The following KCNIP1 variants were observed in gnomAD, a reference collection of about 807,000 sequenced individuals.
The protein encoded by KCNIP1 is potassium voltage-gated channel interacting protein 1.
A neutral mutation model predicts 33.0 loss-of-function variants in KCNIP1; 18 were observed. The observed-to-expected ratio is 0.55, with a 90% CI of 0.38 to 0.81. The LOEUF (loss-of-function observed/expected upper bound fraction) is 0.81. KCNIP1 is among the 30% of genes least tolerant of loss of function. The probability of loss-of-function intolerance (pLI) is 0.00; values close to 1 mark genes in which losing one functional copy is unlikely to be tolerated. For synonymous variants in KCNIP1, 93 were observed against 98.3 expected (o/e 0.95, Z 0.32); for missense variants, 238 against 271.6 (o/e 0.88, Z 0.87).
At chr5:170,465,867 T>G (rs1348736414) in intron 1 of KCNIP1, among the ~76,000 whole-genome samples, 1 of 152,076 alleles carries the variant, frequency 6.6e-6, no homozygotes, top group Non-Finnish European at 1.5e-5. Flanking sequence ...TTCCTGCAAC[T>G]GAAAGAAGAC....
intron 1 of KCNIP1, among the ~76,000 whole-genome samples, chr5:170,633,331 G>A (rs1256968280): frequency 6.6e-6 from 1 of 152,088 alleles, no homozygotes; most frequent in Non-Finnish European, 1.5e-5. Flanking sequence ...TGAGGAAAAT[G>A]AGCAGGGCAG....
intron 1 of KCNIP1, among the ~76,000 whole-genome samples, chr5:170,658,647 C>A (rs1761361261): frequency 6.6e-6 from 1 of 152,060 alleles, no homozygotes; most frequent in Non-Finnish European, 1.5e-5. Flanking sequence ...TGGTGGGCAG[C>A]TGAGGAAGGG....
At position 170,664,376 on chromosome 5, in the gene KCNIP1, C is replaced by A. The variant is rs80050420; in HGVS notation, c.62-54382C>A. On this transcript the variant is annotated intron_variant, in intron 1 of 7. Transcript: ENST00000328939. ...AATTCTCACTGAGCCTCCTCCCTAG[C>A]ATTTCCCTCTCTGCATTATAATTCC... Among the ~76,000 whole-genome samples the A allele has an allele frequency of 3.9e-3, 589 of 152,292 alleles. 5 individuals carry two copies. The highest frequency in any genetic ancestry group is 0.013 in the African/African-American group (547 of 41,570).
At chr5:170,601,723 T>C (rs1758695194) in intron 1 of KCNIP1, among the ~76,000 whole-genome samples, 1 of 152,248 alleles carries the variant, frequency 6.6e-6, no homozygotes, top group Non-Finnish European at 1.5e-5. Flanking sequence ...ATCCCATTCC[T>C]GTGCTCAGGA....
chr5:170,430,697 A>C (rs577041783), intron 1 of KCNIP1, among the ~76,000 whole-genome samples: 1 of 152,332 alleles, frequency 6.6e-6, no homozygotes, highest in African/African-American at 2.4e-5. Flanking sequence ...ATCAGGAACC[A>C]GTGAAGGACA....
At chr5:170,612,050 G>A (rs4285241) in intron 1 of KCNIP1, among the ~76,000 whole-genome samples, 151,427 of 152,342 alleles carry the variant, frequency 0.99, 75,266 homozygotes, top group Middle Eastern at 1. Context: ...TAATCCACAA[G>A]CACTTAACTG....
In KCNIP1 at chr5:170,731,693, C is replaced by CAA. The variant is rs1162447420; in HGVS notation, c.436-1093_436-1092dup. Among the ~76,000 whole-genome samples the CAA allele has an allele frequency of 4.5e-3, 437 of 96,742 alleles. 3 individuals are homozygous for CAA. Among genetic ancestry groups the CAA allele is most frequent in the African/African-American group, 0.016 (403 of 25,456 alleles). The allele number at this position is 96,742 out of a possible 152,430, so 63.5% of individuals were successfully genotyped here. A position where few individuals can be genotyped will look rare whatever the true frequency, so the allele number is the denominator to read the frequency against. The stretch of plus-strand genomic sequence containing the variant: ...TGGGTGACAGAGCAAGAACCTGTCT[C>CAA]AAAAAAAAAAAAAAAGAAAAAAGAA... On this transcript the variant is annotated intron_variant, in intron 5 of 7. Coordinates refer to ENST00000328939, the MANE Select transcript of KCNIP1 (RefSeq NM_014592.4).
At chr5:170,580,442 G>A (rs769819242) in intron 1 of KCNIP1, among the ~76,000 whole-genome samples, 2 of 152,144 alleles carry the variant, frequency 1.3e-5, no homozygotes, top group Non-Finnish European at 2.9e-5. Flanking sequence ...AACCAGTTGA[G>A]GTTCCAAGAA....
chr5:170,555,817 T>TGGTTATTGA (rs1756824312), intron 1 of KCNIP1, among the ~76,000 whole-genome samples: 1 of 152,168 alleles, frequency 6.6e-6, no homozygotes, highest in African/African-American at 2.4e-5. Flanking sequence ...TCGGGAATGG[T>TGGTTATTGA]GACGTATCTG....
At chr5:170,535,649 C>T (rs1755956857) in intron 1 of KCNIP1, among the ~76,000 whole-genome samples, 2 of 152,174 alleles carry the variant, frequency 1.3e-5, no homozygotes, top group South Asian at 4.1e-4. Context: ...TGCAGAAATT[C>T]TCAAATCCCA....
chr5:170,697,048 TCTCCTC>T (rs1332850384), intron 1 of KCNIP1, among the ~76,000 whole-genome samples: 1 of 150,780 alleles, frequency 6.6e-6, no homozygotes, highest in East Asian at 1.9e-4. Context: ...TCCTCCTCCA[TCTCCTC>T]CTCCTCCTCC....
At chr5:170,473,246 T>C (rs563461117) in intron 1 of KCNIP1, among the ~76,000 whole-genome samples, 1 of 152,360 alleles carries the variant, frequency 6.6e-6, no homozygotes, top group Non-Finnish European at 1.5e-5. Flanking sequence ...GAATTGTTTA[T>C]AATTGACATT....
chr5:170,424,749 A>T (rs1163398662), intron 1 of KCNIP1, among the ~76,000 whole-genome samples: 1 of 152,176 alleles, frequency 6.6e-6, no homozygotes, highest in Non-Finnish European at 1.5e-5. Context: ...AGTAGAAGTC[A>T]GATTATGTCA....
chr5:170,470,318 G>C (rs78749152), intron 1 of KCNIP1, among the ~76,000 whole-genome samples: 8,518 of 152,042 alleles, frequency 0.056, 386 homozygotes, highest in East Asian at 0.26. Context: ...CTCTGCCCCA[G>C]CCCTTAACAC....
chr5:170,676,248 G>A (rs1386904318), intron 1 of KCNIP1, among the ~76,000 whole-genome samples: 3 of 150,608 alleles, frequency 2.0e-5, no homozygotes, highest in Non-Finnish European at 3.0e-5. Flanking sequence ...GAGGGAGGAA[G>A]GGAGATATCA....
intron 1 of KCNIP1, among the ~76,000 whole-genome samples, chr5:170,529,461 T>C (rs1204341905): frequency 6.6e-6 from 1 of 152,194 alleles, no homozygotes; most frequent in Non-Finnish European, 1.5e-5. Flanking sequence ...TGGGGAGGTG[T>C]GGGAAACCAA....
At chr5:170,535,780 T>C (rs544604987) in intron 1 of KCNIP1, among the ~76,000 whole-genome samples, 1 of 152,352 alleles carries the variant, frequency 6.6e-6, no homozygotes, top group South Asian at 2.1e-4. Context: ...AGAAGTTAAA[T>C]CTACTTTTGA....
chr5:170,656,999 T>C (rs1315046182), intron 1 of KCNIP1, among the ~76,000 whole-genome samples: 2 of 143,432 alleles, frequency 1.4e-5, no homozygotes, highest in Non-Finnish European at 3.0e-5. Flanking sequence ...TTTCTTTCTT[T>C]TTTTTTTTTT....
At position 170,390,042 on chromosome 5, in the gene KCNIP1, C is replaced by T. The variant is rs1764654872; in HGVS notation, c.88+36078C>T. Among the ~76,000 whole-genome samples, 8 of 152,308 alleles carry T rather than the reference C, an allele frequency of 5.3e-5. No individual in the cohort carries two copies. In the South Asian group the frequency reaches 1.7e-3, roughly 32 times the overall value. On this transcript the variant is annotated intron_variant, in intron 1 of 7. Coordinates refer to the KCNIP1 transcript ENST00000377360. ...GGGAGTAGTGAGAGCTCCACAACTG[C>T]TTCCAACCAGGTCCAGGGACAGTCT...
Sources: gnomAD v4.1 joint callset for allele counts (sites outside exome capture counted in the v4.1 genomes callset) on GRCh38, gnomAD v4.1.1 for gene constraint, MANE v1.5 for transcripts, NCBI Gene and HGNC (gene_info 2026-07-23, HGNC 2026-07-21) for gene names.